The following DOCK8 variants were observed in gnomAD, a reference collection of about 807,000 sequenced individuals.
DOCK8 encodes the protein dedicator of cytokinesis 8.
DOCK8 carries 141 observed loss-of-function variants against 245.6 expected under a neutral mutation model. The ratio of observed to expected loss-of-function variants is 0.57; its 90% confidence interval spans 0.50 to 0.66. DOCK8 has a LOEUF of 0.66. Ranked by LOEUF, DOCK8 falls within the 30% of genes least tolerant of loss-of-function variation. DOCK8 has a pLI of 0.00. For synonymous variants in DOCK8, 1,168 were observed against 970.2 expected, an observed-to-expected ratio of 1.20 and a Z score of -3.79; for missense variants, 2,965 against 2,603.4, an observed-to-expected ratio of 1.14 and a Z score of -3.02.
At chr9:216,179 G>A (rs2046746563) in intron 1 of DOCK8, among the ~76,000 whole-genome samples, 1 of 152,182 alleles carries the variant, frequency 6.6e-6, no homozygotes, top group African/African-American at 2.4e-5. Flanking sequence ...TGTAAAATGA[G>A]TTTAATTATT....
chr9:441,779 G>C (rs2057102141), intron 41 of DOCK8, 96 bp from the exon 42 acceptor site: 6 of 1,500,444 alleles, frequency 4.0e-6, no homozygotes, highest in Middle Eastern at 2.0e-4. Context: ...GGAGTAAAAT[G>C]CTTTGTTAAC....
intron 14 of DOCK8, chr9:366,262 G>C (rs2052993900): frequency 1.3e-5 from 2 of 152,902 alleles, no homozygotes; most frequent in Non-Finnish European, 2.9e-5. Context: ...GAAAGTCACA[G>C]GGTACAGCAA....
chr9:458,367 T>C (rs2057705336), intron 46 of DOCK8: 1 of 152,224 alleles, frequency 6.6e-6, no homozygotes, highest in South Asian at 2.1e-4. Context: ...CAGCGATCCC[T>C]ACCTGCATGG....
chr9:339,019 T>G lies in DOCK8; in HGVS notation c.1436T>G (p.Leu479Arg). 1 of 1,614,058 alleles carries G rather than the reference T, an allele frequency of 6.2e-7. No individual in the cohort carries two copies. Among genetic ancestry groups the G allele is most frequent in the Non-Finnish European group, 8.5e-7 (1 of 1,179,940 alleles). ...TTCTCTTGGCAGGAAGGAGATCGCC[T>G]TAGCGATGAAGACTTATTCAAGTTT... ...SSFFKQEGDRLSDEDLFKFLA... is the reference protein window; with the variant it reads ...SSFFKQEGDRRSDEDLFKFLA... The change falls in exon 13 of 48, where the codon CTT (leucine) becomes CGT (arginine). Residue 479 changes from leucine (L) to arginine (R), a missense_variant. Around this residue, in one of 3 missense-constraint regions of DOCK8, gnomAD observed 2,825 missense variants for 2,453.5 expected, o/e 1.15. Coordinates refer to ENST00000432829, the MANE Select transcript of DOCK8 (RefSeq NM_203447.4).
In DOCK8 at chr9:289,479, A is replaced by AAT. The variant is rs372162707; in HGVS notation, c.333-30_333-29insTA. On this transcript the variant is annotated intron_variant, in intron 3 of 47. Transcript: ENST00000432829. ...TTGTTTTGTTGTTTTACCCAGTAAT[A>AAT]ACGTGTTTATTTCATTTTCTACCTC... is the stretch of plus-strand genomic sequence containing the variant. 0.011 allele frequency: 16,325 copies of AAT among 1,444,100 alleles called. 144 individuals carry two copies. The highest frequency in any genetic ancestry group is 0.03 in the Middle Eastern group (170 of 5,722). The allele number at this position is 1,444,100 out of a possible 1,614,324, so 89.5% of individuals were successfully genotyped here.
chr9:334,260 T>C lies in DOCK8; in HGVS notation c.1161T>C (p.Ala387=). The C allele has an allele frequency of 1.2e-6, 2 of 1,614,232 alleles. No homozygotes were observed. The highest frequency in any genetic ancestry group is 1.7e-6 in the Non-Finnish European group (2 of 1,180,036). ...KEKIEKLKLQ[A]ESFCQRLGKY... The stretch of plus-strand genomic sequence containing the variant: ...AGATTGAAAAACTAAAACTCCAAGC[T>C]GAATCCTTCTGCCAGCGTTTGGGGA... Residue 387 remains alanine, a synonymous_variant, in exon 11 of 48, where the codon GCT becomes GCC. Transcript: ENST00000432829.
chr9:272,944 GC>G, intron 2 of DOCK8: 3 of 707,840 alleles, frequency 4.2e-6, no homozygotes, highest in Non-Finnish European at 5.2e-6. Context: ...TGGTTCTGCT[GC>G]TTATCTTGAA....
At chr9:277,900 A>G (rs1050000177) in intron 2 of DOCK8, among the ~76,000 whole-genome samples, 11 of 152,226 alleles carry the variant, frequency 7.2e-5, no homozygotes, top group African/African-American at 1.7e-4. Context: ...CTTCTGTGCA[A>G]TAAAGCAGCC....
At chr9:269,028 C>G (rs1349025242) in intron 1 of DOCK8, among the ~76,000 whole-genome samples, 1 of 152,166 alleles carries the variant, frequency 6.6e-6, no homozygotes, top group Non-Finnish European at 1.5e-5. Flanking sequence ...ACTTTTGTCT[C>G]TGTAGAATAT....
intron 9 of DOCK8, among the ~76,000 whole-genome samples, chr9:331,642 A>G (rs975845363): frequency 5.9e-5 from 9 of 152,170 alleles, no homozygotes; most frequent in Non-Finnish European, 8.8e-5. Flanking sequence ...GGAAATTTCA[A>G]ATTTCTCCTT....
At chr9:300,182 TC>T (rs1451082051) in intron 4 of DOCK8, among the ~76,000 whole-genome samples, 1 of 152,228 alleles carries the variant, frequency 6.6e-6, no homozygotes, top group African/African-American at 2.4e-5. Flanking sequence ...GTCCTGTTCT[TC>T]CTACAGACGT....
intron 44 of DOCK8, 74 bp downstream of exon 44, chr9:446,680 T>A: frequency 7.6e-7 from 1 of 1,309,830 alleles, no homozygotes; most frequent in Non-Finnish European, 1.1e-6. Flanking sequence ...CACAAACCTC[T>A]TTCACAGTGG....
intron 45 of DOCK8, 46 bp downstream of exon 45, chr9:449,973 G>T: frequency 6.2e-7 from 1 of 1,607,992 alleles, no homozygotes. Context: ...TTATTATTTA[G>T]GTTGTCATTA....
intron 1 of DOCK8, among the ~76,000 whole-genome samples, chr9:229,186 C>T (rs1393186331): frequency 6.6e-6 from 1 of 152,160 alleles, no homozygotes; most frequent in African/African-American, 2.4e-5. Flanking sequence ...GTCATTTTAA[C>T]CAACCACAGC....
chr9:436,984 G>A (rs1051678004), intron 39 of DOCK8, among the ~76,000 whole-genome samples: 20 of 152,182 alleles, frequency 1.3e-4, no homozygotes, highest in Non-Finnish European at 2.6e-4. Context: ...TGAAGTGTGA[G>A]GGCTTCTTGA....
At chr9:403,875 T>C (rs1395779458) in intron 26 of DOCK8, among the ~76,000 whole-genome samples, 1 of 88,424 alleles carries the variant, frequency 1.1e-5, no homozygotes, top group African/African-American at 6.6e-5. Flanking sequence ...TCTCTCTCTC[T>C]CTCTCTCTCT....
chr9:414,145 A>AT (rs1162964687), intron 28 of DOCK8, among the ~76,000 whole-genome samples: 164 of 151,992 alleles, frequency 1.1e-3, no homozygotes, highest in African/African-American at 3.9e-3. Flanking sequence ...AAAAAAAAAA[A>AT]GTTAAACAGA....
intron 1 of DOCK8, among the ~76,000 whole-genome samples, chr9:261,604 A>G (rs554043289): frequency 1.3e-5 from 2 of 152,312 alleles, no homozygotes; most frequent in East Asian, 3.9e-4. Context: ...TGTTTTCTGT[A>G]TATGTCAATT....
intron 4 of DOCK8, among the ~76,000 whole-genome samples, chr9:291,084 G>A (rs1390252416): frequency 1.3e-5 from 2 of 152,124 alleles, no homozygotes; most frequent in East Asian, 3.8e-4. Flanking sequence ...AGAACAAGTT[G>A]TTCTCAAGTT....
Sources: gnomAD v4.1 joint callset for allele counts (sites outside exome capture counted in the v4.1 genomes callset) on GRCh38, gnomAD v4.1.1 for gene constraint, gnomAD v4.1.1 regional missense constraint, MANE v1.5 for transcripts, NCBI Gene and HGNC (gene_info 2026-07-23, HGNC 2026-07-21) for gene names.